Variants in ACSM1 observed in about 807,000 individuals in gnomAD.
ACSM1 encodes the protein acyl-CoA synthetase medium chain family member 1.
ACSM1 carries 79 observed loss-of-function variants against 75.8 expected under a neutral mutation model. The ratio of observed to expected loss-of-function variants is 1.04; its 90% CI spans 0.87 to 1.26. The LOEUF is 1.26. Ranked by LOEUF, ACSM1 falls within the 50% of genes most tolerant of loss-of-function variation. The pLI, the probability that ACSM1 is intolerant of heterozygous loss-of-function variation, is 0.00. For synonymous variants in ACSM1, 279 were observed against 265.8 expected, an observed-to-expected ratio of 1.05 and a Z score of -0.48; for missense variants, 676 against 720.1, an observed-to-expected ratio of 0.94 and a Z score of 0.70.
At chr16:20,628,748 G>A (rs2017152180) in intron 10 of ACSM1, among the ~76,000 whole-genome samples, 2 of 152,058 alleles carry the variant, frequency 1.3e-5, no homozygotes, top group Admixed American at 1.3e-4. Context: ...ATGTACATTT[G>A]CATACATGTT....
At chr16:20,627,144 G>A (rs772451203) in intron 11 of ACSM1, 45 bp downstream of exon 11, 4 of 1,487,628 alleles carry the variant, frequency 2.7e-6, no homozygotes. Flanking sequence ...ATTCCGTGAG[G>A]CATGTGACGG....
intron 4 of ACSM1, among the ~76,000 whole-genome samples, chr16:20,672,805 ATATATAATATATAT>A (rs1402934554): frequency 1.7e-5 from 2 of 116,768 alleles, no homozygotes; most frequent in African/African-American, 7.8e-5. Context: ...AATATGTATA[ATATATAATATATAT>A]TATATAATAT....
intron 3 of ACSM1, among the ~76,000 whole-genome samples, chr16:20,683,329 G>C (rs1348136452): frequency 2.0e-5 from 3 of 151,806 alleles, no homozygotes; most frequent in South Asian, 2.1e-4. Flanking sequence ...GTTTTCACCA[G>C]GTTGGCCAGG....
intron 6 of ACSM1, among the ~76,000 whole-genome samples, chr16:20,668,420 T>C (rs2019696168): frequency 6.6e-6 from 1 of 151,972 alleles, no homozygotes; most frequent in Admixed American, 6.6e-5. Context: ...TTGTGGTGCT[T>C]TAAGTCTCAG....
chr16:20,667,950 T>G (rs990123045), intron 6 of ACSM1, among the ~76,000 whole-genome samples: 1 of 152,110 alleles, frequency 6.6e-6, no homozygotes, highest in Non-Finnish European at 1.5e-5. Flanking sequence ...GAACTAAACA[T>G]TGAATACACA....
chr16:20,650,341 T>A (rs1171065609), intron 7 of ACSM1, among the ~76,000 whole-genome samples: 2 of 152,190 alleles, frequency 1.3e-5, no homozygotes, highest in East Asian at 1.9e-4. Flanking sequence ...GGTCATTTGC[T>A]TCTCCTAGTC....
At chr16:20,626,107 T>C (rs2016908164) in intron 11 of ACSM1, among the ~76,000 whole-genome samples, 1 of 152,218 alleles carries the variant, frequency 6.6e-6, no homozygotes, top group South Asian at 2.1e-4. Context: ...CCATCCAGGC[T>C]GGGCATGGTG....
intron 7 of ACSM1, among the ~76,000 whole-genome samples, chr16:20,645,043 G>A (rs1207318445): frequency 6.6e-6 from 1 of 152,220 alleles, no homozygotes; most frequent in African/African-American, 2.4e-5. Context: ...TCTTGATGGG[G>A]AAGCTGGGTT....
At chr16:20,636,908 G>T in intron 9 of ACSM1, 68 bp from the exon 10 acceptor site, 1 of 1,172,788 alleles carries the variant, frequency 8.5e-7, no homozygotes, top group Non-Finnish European at 1.3e-6. Flanking sequence ...CCCAAGCACT[G>T]TCTGGTTTAT....
chr16:20,663,851 G>A (rs1187955968), intron 6 of ACSM1, among the ~76,000 whole-genome samples: 1 of 152,078 alleles, frequency 6.6e-6, no homozygotes, highest in Non-Finnish European at 1.5e-5. Flanking sequence ...AAGCTACGTT[G>A]AAGTAGGCTT....
intron 6 of ACSM1, among the ~76,000 whole-genome samples, chr16:20,667,644 A>G (rs2019645823): frequency 6.6e-6 from 1 of 152,234 alleles, no homozygotes; most frequent in South Asian, 2.1e-4. Context: ...CAATCCCATT[A>G]CTGGGTATAT....
intron 9 of ACSM1, chr16:20,637,159 G>A: frequency 1.3e-6 from 1 of 762,276 alleles, no homozygotes; most frequent in Non-Finnish European, 2.4e-6. Context: ...CCTACTGTGT[G>A]TGATGCCCTG....
Position 20,623,499 on chromosome 16 carries a change from GT to G in ACSM1, c.1720del (p.Thr574LeufsTer8), listed in dbSNP as rs751876940. On this transcript the variant is annotated frameshift_variant, in exon 14 of 14. Coordinates refer to ENST00000520010, the MANE Select transcript of ACSM1 (RefSeq NM_001318890.3). LOFTEE classifies it high-confidence loss of function. ...GTTCACTGCCGATTACATCTGACCA[GT>G]CTCCTTTTTCCGAAGTTCCTTCCGT... ...IERKELRKKE[T>X]GQM 1.1e-5 allele frequency: 18 copies of G among 1,614,100 alleles called. No individual in the cohort carries two copies. Among genetic ancestry groups the G allele is most frequent in the Non-Finnish European group, 1.5e-5 (18 of 1,179,990 alleles).
At chr16:20,697,109 G>T (rs1022858460) in intron 1 of ACSM1, among the ~76,000 whole-genome samples, 1 of 152,014 alleles carries the variant, frequency 6.6e-6, no homozygotes, top group Non-Finnish European at 1.5e-5. Flanking sequence ...TTTTGAAACT[G>T]TCACCTGGAC....
Position 20,623,343 on chromosome 16 carries a change from G to A in ACSM1, c.*143C>T. 1.5e-6 allele frequency: 1 copy of A among 676,428 alleles called. No individual in the cohort carries two copies. 41.9% of individuals were successfully genotyped at this position (676,428 alleles called of 1,614,324 possible). On this transcript the variant is annotated 3_prime_UTR_variant, in exon 14 of 14. Transcript: ENST00000520010. ...AGCAACTGAATTTAATTTAAAAGAA[G>A]GAAAACATTGGAATCATGGCACTCC...
Position 20,693,648 on chromosome 16 carries a change from T to C in ACSM1, c.-51-2409A>G, listed in dbSNP as rs73530595. 1.7e-3 allele frequency among the ~76,000 whole-genome samples: 254 copies of C among 152,256 alleles called. 1 individual carries two copies. The highest frequency in any genetic ancestry group is 5.5e-3 in the African/African-American group (228 of 41,542). ...GTTGTCAAGTGGCTGGAGCTGAGAA[T>C]TGTCTGCTTTATTTAAATGAGATGT... On this transcript the variant is annotated intron_variant, in intron 1 of 13. Coordinates refer to ENST00000520010, the MANE Select transcript of ACSM1 (RefSeq NM_001318890.3).
intron 3 of ACSM1, among the ~76,000 whole-genome samples, chr16:20,684,952 T>G (rs2079519484): frequency 6.6e-6 from 1 of 151,970 alleles, no homozygotes; most frequent in Non-Finnish European, 1.5e-5. Context: ...TGAGGGAGTA[T>G]GAGAAAGACA....
Position 20,627,331 on chromosome 16 carries a change from G to A in ACSM1, c.1300-15C>T, listed in dbSNP as rs559504095. On this transcript the variant is annotated splice_polypyrimidine_tract_variant and intron_variant, in intron 10 of 13. Coordinates refer to ENST00000520010, the MANE Select transcript of ACSM1 (RefSeq NM_001318890.3). Reference sequence around the variant, plus strand: ...TCTGGGTCACCCTGCAAAAAGAAGAGAGCTCCTTTGTTGAAGGCAGTGAAT... The same window carrying A: ...TCTGGGTCACCCTGCAAAAAGAAGAAAGCTCCTTTGTTGAAGGCAGTGAAT... The A allele has an allele frequency of 5.8e-6, 9 of 1,557,868 alleles. No homozygotes were observed. The South Asian group carries it at 1.0e-4, about 17-fold the overall frequency.
chr16:20,695,772 C>T (rs943350823), intron 1 of ACSM1, among the ~76,000 whole-genome samples: 4 of 152,044 alleles, frequency 2.6e-5, no homozygotes, highest in South Asian at 4.1e-4. Flanking sequence ...TCTATGTCTG[C>T]GTCTATCTCT....
Sources: allele counts gnomAD v4.1 joint callset (sites outside exome capture counted in the v4.1 genomes callset), GRCh38; gene constraint gnomAD v4.1.1; transcripts MANE v1.5; gene names NCBI Gene and HGNC (gene_info 2026-07-23, HGNC 2026-07-21).